The following ARHGAP44 variants were observed in gnomAD, a reference collection of about 807,000 sequenced individuals.
ARHGAP44 encodes the protein rho GTPase-activating protein 44.
A neutral mutation model predicts 106.8 loss-of-function variants in ARHGAP44; 43 were observed. The ratio of observed to expected loss-of-function variants is 0.40; its 90% confidence interval spans 0.32 to 0.52. ARHGAP44 has a LOEUF of 0.52. Among genes scored for constraint, ARHGAP44 ranks in the 20% least tolerant of loss-of-function variants. ARHGAP44 has a pLI of 0.48. For missense variants in ARHGAP44, 866 were observed against 1,050.5 expected, an observed-to-expected ratio of 0.82 and a Z score of 2.43; for synonymous variants, 439 against 410.3, an observed-to-expected ratio of 1.07 and a Z score of -0.85.
chr17:12,903,995 G>A (rs535466240), intron 3 of ARHGAP44, among the ~76,000 whole-genome samples: 4 of 152,290 alleles, frequency 2.6e-5, no homozygotes, highest in African/African-American at 7.2e-5. Context: ...TCTGTTGTGC[G>A]TTACAGTCCA....
intron 4 of ARHGAP44, 150 bp downstream of exon 4, chr17:12,909,123 T>C: frequency 1.5e-6 from 1 of 668,444 alleles, no homozygotes; most frequent in South Asian, 2.2e-5. Flanking sequence ...AAATCAGAAC[T>C]CTTGGCTCTA....
Position 12,789,720 on chromosome 17 carries a change from T to C in ARHGAP44, c.-119T>C, listed in dbSNP as rs76734427. On this transcript the variant is annotated 5_prime_UTR_variant, in exon 1 of 21. Coordinates refer to ENST00000379672, the MANE Select transcript of ARHGAP44 (RefSeq NM_014859.6). The stretch of plus-strand genomic sequence containing the variant: ...CGCGGGCCAGACGGCGCCCGGAGGC[T>C]CCGCAGTGCCGCCGCCGTCGCCCGG... 5.5e-4 allele frequency: 512 copies of C among 927,468 alleles called. No homozygotes were observed. Among genetic ancestry groups the C allele is most frequent in the South Asian group, 1.6e-3 (49 of 30,868 alleles). The allele number at this position is 927,468 out of a possible 1,614,324, so 57.5% of individuals were successfully genotyped here.
intron 1 of ARHGAP44, among the ~76,000 whole-genome samples, chr17:12,823,764 A>T (rs943537577): frequency 6.6e-6 from 1 of 152,030 alleles, no homozygotes; most frequent in Non-Finnish European, 1.5e-5. Flanking sequence ...CCTCCCTTCT[A>T]TGTTGCCAGA....
intron 13 of ARHGAP44, among the ~76,000 whole-genome samples, chr17:12,953,930 A>G (rs922042640): frequency 2.4e-4 from 36 of 152,160 alleles, no homozygotes; most frequent in African/African-American, 7.0e-4. Context: ...TCTATCTCCC[A>G]GGCTGGAGTC....
At chr17:12,825,337 C>CT (rs34939010) in intron 1 of ARHGAP44, among the ~76,000 whole-genome samples, 49,577 of 151,848 alleles carry the variant, frequency 0.33, 10,466 homozygotes, top group African/African-American at 0.6. Flanking sequence ...GCTCCCAGCC[C>CT]TTGATTACTA....
chr17:12,884,111 T>C (rs1324734619), intron 1 of ARHGAP44, among the ~76,000 whole-genome samples: 1 of 152,164 alleles, frequency 6.6e-6, no homozygotes, highest in African/African-American at 2.4e-5. Flanking sequence ...GTATATGTTT[T>C]TATTTCTCTT....
chr17:12,972,339 C>T (rs1200421814), intron 16 of ARHGAP44, among the ~76,000 whole-genome samples: 1 of 152,148 alleles, frequency 6.6e-6, no homozygotes, highest in Non-Finnish European at 1.5e-5. Flanking sequence ...ACCTGCTAGT[C>T]TATGTAACTT....
chr17:12,831,682 T>C (rs1467599821), intron 1 of ARHGAP44, among the ~76,000 whole-genome samples: 1 of 152,102 alleles, frequency 6.6e-6, no homozygotes, highest in Non-Finnish European at 1.5e-5. Context: ...TTCAGGTCCT[T>C]GAGAAAGACA....
At chr17:12,833,759 A>G (rs1188525862) in intron 1 of ARHGAP44, among the ~76,000 whole-genome samples, 2 of 152,170 alleles carry the variant, frequency 1.3e-5, no homozygotes, top group African/African-American at 2.4e-5. Flanking sequence ...TCTGGTCTGG[A>G]AAGGTGGGAC....
intron 20 of ARHGAP44, 187 bp downstream of exon 20, chr17:12,985,095 T>C (rs2039927275): frequency 2.9e-6 from 2 of 701,186 alleles, no homozygotes; most frequent in East Asian, 2.8e-5. Flanking sequence ...CTGGAATCCA[T>C]GTGTCCCACA....
chr17:12,989,092 C>CA (rs2040033933), intron 20 of ARHGAP44, among the ~76,000 whole-genome samples: 1 of 87,386 alleles, frequency 1.1e-5, no homozygotes, highest in African/African-American at 4.2e-5. Context: ...AGCGAAACTC[C>CA]ACCCCCCCCA....
rs2040127737 is a variant in ARHGAP44, at chr17:12,991,139, G to T, written c.*968G>T. On this transcript the variant is annotated 3_prime_UTR_variant, in exon 21 of 21. Transcript: ENST00000379672. The stretch of plus-strand genomic sequence containing the variant: ...GCGGTGTGGCCTGCTTTGCTCACCA[G>T]CGTCAGCCGCTCATTTCCTTCTCAT... 1 of 152,748 alleles carries T rather than the reference G, an allele frequency of 6.5e-6. No homozygotes were observed. Among genetic ancestry groups the T allele is most frequent in the East Asian group, 1.9e-4 (1 of 5,178 alleles). The allele number at this position is 152,748 out of a possible 1,614,324, so 9.5% of individuals were successfully genotyped here. A position where few individuals can be genotyped will look rare whatever the true frequency, so the allele number is the denominator to read the frequency against.
At chr17:12,815,807 A>G (rs1040622193) in intron 1 of ARHGAP44, among the ~76,000 whole-genome samples, 2 of 152,216 alleles carry the variant, frequency 1.3e-5, no homozygotes, top group African/African-American at 4.8e-5. Flanking sequence ...GTGAGCCGTT[A>G]AGAATAGTTC....
At chr17:12,831,365 C>T (rs538365830) in intron 1 of ARHGAP44, among the ~76,000 whole-genome samples, 85 of 152,230 alleles carry the variant, frequency 5.6e-4, no homozygotes, top group Non-Finnish European at 1.0e-3. Flanking sequence ...CAAAGCCGGA[C>T]GCTTGTTAAA....
Position 12,910,541 on chromosome 17 carries a change from C to T in ARHGAP44, c.275+1568C>T, listed in dbSNP as rs551831270. ...TCAGCTCACTGCAACCTCTGCATCC[C>T]GGGTGCAAGGGATTCTGCCTCCACC... On this transcript the variant is annotated intron_variant, in intron 4 of 20. Transcript: ENST00000379672. 1.2e-4 allele frequency among the ~76,000 whole-genome samples: 18 copies of T among 144,940 alleles called. No homozygotes were observed. In the South Asian group the frequency reaches 3.5e-3, roughly 29 times the overall value.
intron 20 of ARHGAP44, chr17:12,988,282 C>G (rs949602698): frequency 2.0e-5 from 3 of 152,248 alleles, no homozygotes; most frequent in Non-Finnish European, 4.4e-5. Flanking sequence ...CATTTGACTG[C>G]TGAGGCACAG....
chr17:12,872,865 G>A (rs1258944234), intron 1 of ARHGAP44, among the ~76,000 whole-genome samples: 1 of 151,834 alleles, frequency 6.6e-6, no homozygotes, highest in Non-Finnish European at 1.5e-5. Flanking sequence ...GAAAGTCTCA[G>A]CAGAAACTTA....
intron 1 of ARHGAP44, among the ~76,000 whole-genome samples, chr17:12,862,503 A>G (rs188695558): frequency 6.6e-6 from 1 of 152,294 alleles, no homozygotes; most frequent in Admixed American, 6.5e-5. Context: ...GATGACCCAC[A>G]GACAGAGTGT....
chr17:12,881,186 ATCTTT>A (rs1229206154), intron 1 of ARHGAP44, among the ~76,000 whole-genome samples: 3 of 151,462 alleles, frequency 2.0e-5, no homozygotes, highest in Non-Finnish European at 4.4e-5. Flanking sequence ...ATGTCTTTTA[ATCTTT>A]TCTTTTATGG....
Sources: allele counts gnomAD v4.1 joint callset (sites outside exome capture counted in the v4.1 genomes callset), GRCh38; gene constraint gnomAD v4.1.1; transcripts MANE v1.5; gene names NCBI Gene and HGNC (gene_info 2026-07-23, HGNC 2026-07-21).